Variants in GOLGA8A observed in about 807,000 individuals in gnomAD.
GOLGA8A encodes the protein golgin subfamily A member 8A.
Under a neutral mutation model 22.1 loss-of-function variants are expected in GOLGA8A, and 3 were observed. The observed-to-expected ratio is 0.14, with a 90% CI of 0.06 to 0.35. The LOEUF (loss-of-function observed/expected upper bound fraction) is 0.35, where lower values mean the gene tolerates loss of function less well. Ranked by LOEUF, GOLGA8A falls within the 10% of genes least tolerant of loss-of-function variation. GOLGA8A has a pLI of 1.00. For missense variants in GOLGA8A, 16 were observed against 233.2 expected (o/e 0.07, Z 6.07); for synonymous variants, 7 against 91.7 (o/e 0.08, Z 5.28).
intron 2 of GOLGA8A, among the ~76,000 whole-genome samples, chr15:34,426,464 C>T (rs930077937): frequency 6.8e-6 from 1 of 147,400 alleles, no homozygotes; most frequent in Non-Finnish European, 1.5e-5. Flanking sequence ...TTTGTGGGCA[C>T]TGAATGGGGC....
chr15:34,431,203 G>T (rs2554783), intron 2 of GOLGA8A, among the ~76,000 whole-genome samples: 2 of 144,314 alleles, frequency 1.4e-5, no homozygotes, highest in Non-Finnish European at 3.0e-5. Context: ...ATTAAGAACA[G>T]ATACAACAGT....
chr15:34,425,900 G>C lies in GOLGA8A; in HGVS notation c.-1123+9483C>G, dbSNP rs1476772256. On this transcript the variant is annotated intron_variant, in intron 2 of 24. Coordinates refer to ENST00000359187, the MANE Select transcript of GOLGA8A (RefSeq NM_181077.5). ...GCTATCACTTTACACCCACTTGACTGAATGAAACACAAAGACTGATCATGT... is the reference window on the plus strand; with the variant it reads ...GCTATCACTTTACACCCACTTGACTCAATGAAACACAAAGACTGATCATGT... 2.8e-5 allele frequency among the ~76,000 whole-genome samples: 4 copies of C among 144,730 alleles called. 1 individual carries two copies. The highest frequency in any genetic ancestry group is 1.0e-4 in the African/African-American group (4 of 39,858). The allele number at this position is 144,730 out of a possible 152,430, so 94.9% of individuals were successfully genotyped here.
intron 2 of GOLGA8A, among the ~76,000 whole-genome samples, chr15:34,412,539 T>C (rs1332499518): frequency 1.4e-5 from 2 of 147,980 alleles, no homozygotes; most frequent in Non-Finnish European, 3.0e-5. Context: ...GCATCACTCA[T>C]TTACCCTCGT....
chr15:34,433,818 A>G (rs1415417981), intron 2 of GOLGA8A, among the ~76,000 whole-genome samples: 1 of 149,706 alleles, frequency 6.7e-6, no homozygotes, highest in African/African-American at 2.5e-5. Context: ...ACAAACAAGT[A>G]TATAAATAAC....
chr15:34,397,141 TTGGTGGTGGTGGGGTA>T (rs1891883740), intron 8 of GOLGA8A, among the ~76,000 whole-genome samples: 2 of 46,714 alleles, frequency 4.3e-5, no homozygotes, highest in African/African-American at 9.4e-5. Flanking sequence ...TCTTTTTTTT[TTGGTGGTGGTGGGGTA>T]TTTTTTGGAG....
chr15:34,398,975 T>C (rs1323151586), intron 7 of GOLGA8A, among the ~76,000 whole-genome samples, 180 bp downstream of exon 7: 4 of 138,276 alleles, frequency 2.9e-5, no homozygotes, highest in African/African-American at 1.0e-4. Flanking sequence ...TATCCCAGCA[T>C]AGATGCAGCA....
chr15:34,405,357 CAG>C (rs1892184649), intron 4 of GOLGA8A, among the ~76,000 whole-genome samples: 1 of 138,984 alleles, frequency 7.2e-6, no homozygotes, highest in South Asian at 2.5e-4. Flanking sequence ...TTTTTTAAAA[CAG>C]AGTCTCACTC....
At chr15:34,437,207 G>T (rs1490202780) in intron 1 of GOLGA8A, among the ~76,000 whole-genome samples, 191 bp downstream of exon 1, 2 of 146,986 alleles carry the variant, frequency 1.4e-5, no homozygotes, top group East Asian at 4.1e-4. Context: ...GAGGCGTAAG[G>T]CCGCCGGGCT....
At chr15:34,424,707 C>T (rs1892913629) in intron 2 of GOLGA8A, among the ~76,000 whole-genome samples, 1 of 129,786 alleles carries the variant, frequency 7.7e-6, no homozygotes, top group Non-Finnish European at 1.6e-5. Context: ...AATACAAAAG[C>T]TCTCTCCTCT....
intron 2 of GOLGA8A, among the ~76,000 whole-genome samples, chr15:34,429,767 G>A (rs1185901515): frequency 1.4e-5 from 2 of 147,160 alleles, no homozygotes; most frequent in Admixed American, 7.0e-5. Context: ...GGACTCGGGG[G>A]TAAGAAAAGT....
Position 34,379,874 on chromosome 15 carries a change from T to C in GOLGA8A, c.*1537A>G, listed in dbSNP as rs1891392260. 1 of 152,688 alleles carries C rather than the reference T, an allele frequency of 6.5e-6. No individual in the cohort carries two copies. The highest frequency in any genetic ancestry group is 1.5e-5 in the Non-Finnish European group (1 of 68,050). 9.5% of individuals were successfully genotyped at this position (152,688 alleles called of 1,614,324 possible). Reference sequence around the variant, plus strand: ...TGCATAGGCACAATCACAGAAATATTGCACAAAGTATGTCCCTGACTGAAA... The same window carrying C: ...TGCATAGGCACAATCACAGAAATATCGCACAAAGTATGTCCCTGACTGAAA... On this transcript the variant is annotated 3_prime_UTR_variant, in exon 25 of 25. Coordinates refer to ENST00000359187, the MANE Select transcript of GOLGA8A (RefSeq NM_181077.5).
At chr15:34,435,866 G>C (rs1409728393) in intron 1 of GOLGA8A, among the ~76,000 whole-genome samples, 1 of 148,978 alleles carries the variant, frequency 6.7e-6, no homozygotes, top group South Asian at 2.2e-4. Flanking sequence ...ACACAGCTAC[G>C]AGCTCCAGCT....
At chr15:34,424,272 G>C (rs1171559444) in intron 2 of GOLGA8A, among the ~76,000 whole-genome samples, 9 of 134,364 alleles carry the variant, frequency 6.7e-5, no homozygotes, top group African/African-American at 2.5e-4. Context: ...CCCAGTCAAA[G>C]AGCCAACCCA....
chr15:34,434,693 C>A (rs79141346), intron 2 of GOLGA8A, among the ~76,000 whole-genome samples: 2 of 149,038 alleles, frequency 1.3e-5, no homozygotes, highest in Admixed American at 6.7e-5. Flanking sequence ...AATGAGCACC[C>A]CCAGCCCCCG....
chr15:34,393,902 T>TA (rs1232307770), intron 8 of GOLGA8A, among the ~76,000 whole-genome samples: 1 of 77,298 alleles, frequency 1.3e-5, no homozygotes, highest in African/African-American at 4.5e-5. Context: ...TACAACAGGA[T>TA]AAAAAAAAGC....
At chr15:34,427,295 C>G (rs1314280832) in intron 2 of GOLGA8A, among the ~76,000 whole-genome samples, 10 of 133,372 alleles carry the variant, frequency 7.5e-5, no homozygotes, top group African/African-American at 1.2e-4. Context: ...TGTGCCACTG[C>G]ACTCCAGCCT....
Position 34,429,799 on chromosome 15 carries a change from G to C in GOLGA8A, c.-1123+5584C>G, listed in dbSNP as rs78234676. 1.8e-3 allele frequency among the ~76,000 whole-genome samples: 263 copies of C among 147,700 alleles called. 27 individuals carry two copies. Among genetic ancestry groups the C allele is most frequent in the Admixed American group, 5.3e-3 (77 of 14,464 alleles). ...AAGTGAAGGGTACCTGCTCCCGGTT[G>C]TACCACTGCAGAGTCCTTGAGTGTC... is the stretch of plus-strand genomic sequence containing the variant. On this transcript the variant is annotated intron_variant, in intron 2 of 24. Transcript: ENST00000359187.
At chr15:34,428,760 C>G (rs1312218413) in intron 2 of GOLGA8A, 3 of 147,942 alleles carry the variant, frequency 2.0e-5, no homozygotes, top group East Asian at 2.0e-4. Context: ...AGGCCGTGGA[C>G]AGGAGGCACC....
chr15:34,416,257 T>C (rs1892570974), intron 2 of GOLGA8A: 1 of 150,824 alleles, frequency 6.6e-6, no homozygotes, highest in Non-Finnish European at 1.5e-5. Context: ...TGATTACTCC[T>C]TATTCATATT....
Sources: allele counts gnomAD v4.1 joint callset (sites outside exome capture counted in the v4.1 genomes callset), GRCh38; gene constraint gnomAD v4.1.1; transcripts MANE v1.5; gene names NCBI Gene and HGNC (gene_info 2026-07-23, HGNC 2026-07-21).